The following PCDHA9 variants were observed in gnomAD, a reference collection of about 807,000 sequenced individuals.
PCDHA9 encodes protocadherin alpha 9.
A neutral mutation model predicts 62.0 loss-of-function variants in PCDHA9; 62 were observed. The ratio of observed to expected loss-of-function variants is 1.00; its 90% CI spans 0.81 to 1.23. The LOEUF (loss-of-function observed/expected upper bound fraction) is 1.23. Ranked by LOEUF, PCDHA9 falls within the 50% of genes most tolerant of loss-of-function variation. The pLI is 0.00. For synonymous variants in PCDHA9, 557 were observed against 567.6 expected, an observed-to-expected ratio of 0.98 and a Z score of 0.27; for missense variants, 1,205 against 1,249.8, an observed-to-expected ratio of 0.96 and a Z score of 0.54.
At chr5:140,909,812 A>T (rs1353892202) in intron 1 of PCDHA9, among the ~76,000 whole-genome samples, 1 of 151,982 alleles carries the variant, frequency 6.6e-6, no homozygotes, top group Non-Finnish European at 1.5e-5. Context: ...AAAACTCCAT[A>T]AGCCCCTACT....
rs1554149884 is a variant in PCDHA9, at chr5:140,857,345, C to T, written c.2394+6456C>T. Reference sequence around the variant, plus strand: ...GACCGCGCGGGACGGGGGCTCGCCTCCGCTGTGGGCCACGGCCAGCGTGTC... The same window carrying T: ...GACCGCGCGGGACGGGGGCTCGCCTTCGCTGTGGGCCACGGCCAGCGTGTC... On this transcript the variant is annotated intron_variant, in intron 1 of 3. Coordinates refer to ENST00000532602, the MANE Select transcript of PCDHA9 (RefSeq NM_031857.2). The T allele has an allele frequency of 5.6e-6, 9 of 1,598,348 alleles. No homozygotes were observed. The Admixed American group carries it at 6.7e-5, about 12-fold the overall frequency.
At chr5:140,961,548 T>G (rs2095620507) in intron 1 of PCDHA9, among the ~76,000 whole-genome samples, 2 of 152,230 alleles carry the variant, frequency 1.3e-5, no homozygotes, top group Non-Finnish European at 2.9e-5. Flanking sequence ...CCTGCAGCAT[T>G]TCTTTTTTTA....
At chr5:140,879,757 C>T (rs1312451493) in intron 1 of PCDHA9, among the ~76,000 whole-genome samples, 1 of 152,212 alleles carries the variant, frequency 6.6e-6, no homozygotes, top group African/African-American at 2.4e-5. Context: ...GCTATACTCT[C>T]TTTGGAGGCC....
intron 3 of PCDHA9, among the ~76,000 whole-genome samples, chr5:140,991,007 G>C (rs2153892777): frequency 6.6e-6 from 1 of 152,280 alleles, no homozygotes; most frequent in South Asian, 2.1e-4. Flanking sequence ...ATTGAGAACT[G>C]TGATAAGCAC....
chr5:140,947,270 T>C (rs1230948656), intron 1 of PCDHA9, among the ~76,000 whole-genome samples: 1 of 151,546 alleles, frequency 6.6e-6, no homozygotes, highest in Non-Finnish European at 1.5e-5. Context: ...TTGTTGAAAA[T>C]ACTTTTTCTT....
At chr5:140,963,531 TTTAC>T (rs1391697303) in intron 1 of PCDHA9, among the ~76,000 whole-genome samples, 2 of 152,218 alleles carry the variant, frequency 1.3e-5, no homozygotes, top group African/African-American at 4.8e-5. Flanking sequence ...AGAAGTCCCA[TTTAC>T]TTCATGATAT....
At chr5:140,902,203 C>CTTTTTTTTT (rs148688132) in intron 1 of PCDHA9, among the ~76,000 whole-genome samples, 1 of 124,460 alleles carries the variant, frequency 8.0e-6, no homozygotes. Flanking sequence ...CTCTCTCTTT[C>CTTTTTTTTT]TTTTTTTTTT....
At chr5:140,883,003 C>A in intron 1 of PCDHA9, 5 of 1,614,050 alleles carry the variant, frequency 3.1e-6, no homozygotes, top group Non-Finnish European at 4.2e-6. Flanking sequence ...TTTACCAATC[C>A]GTTTATAAAG....
At chr5:140,894,363 C>T (rs971503382) in intron 1 of PCDHA9, among the ~76,000 whole-genome samples, 1 of 151,968 alleles carries the variant, frequency 6.6e-6, no homozygotes, top group Admixed American at 6.5e-5. Context: ...ATTTCTTCTT[C>T]AATGGCTCCA....
intron 1 of PCDHA9, chr5:140,926,752 C>T (rs1176032200): frequency 8.0e-7 from 1 of 1,254,344 alleles, no homozygotes; most frequent in Admixed American, 3.6e-5. Context: ...CGTCGGCGGT[C>T]GCTGAGTATC....
chr5:140,919,258 A>G (rs2079053720), intron 1 of PCDHA9, among the ~76,000 whole-genome samples: 1 of 152,178 alleles, frequency 6.6e-6, no homozygotes, highest in African/African-American at 2.4e-5. Flanking sequence ...TTTGTCTGAT[A>G]TTAGTGTAGT....
intron 1 of PCDHA9, chr5:140,855,854 T>A: frequency 1.5e-6 from 1 of 683,620 alleles, no homozygotes; most frequent in South Asian, 2.3e-5. Flanking sequence ...AGCCACCGGA[T>A]GTCGCTGTCG....
chr5:140,996,785 C>G (rs1423473534), intron 3 of PCDHA9, among the ~76,000 whole-genome samples: 2 of 152,148 alleles, frequency 1.3e-5, no homozygotes, highest in Admixed American at 6.5e-5. Context: ...TAGTGCCTCA[C>G]TCCCTACATC....
At chr5:140,960,934 A>G (rs1429908471) in intron 1 of PCDHA9, among the ~76,000 whole-genome samples, 3 of 152,236 alleles carry the variant, frequency 2.0e-5, no homozygotes, top group Admixed American at 1.3e-4. Context: ...TACTAAGTTT[A>G]GTGAATTAGA....
At chr5:141,000,385 CTCTCTCTCTCTATA>C (rs1173975015) in intron 3 of PCDHA9, among the ~76,000 whole-genome samples, 30 of 64,968 alleles carry the variant, frequency 4.6e-4, no homozygotes, top group African/African-American at 1.8e-3. Context: ...CTCTCTCTCT[CTCTCTCTCTCTATA>C]TATATATATA....
At chr5:140,967,939 C>T in intron 1 of PCDHA9, 1 of 1,614,188 alleles carries the variant, frequency 6.2e-7, no homozygotes, top group Non-Finnish European at 8.5e-7. Context: ...GTGTCAATGA[C>T]CAAGACTCAG....
chr5:140,893,150 A>G (rs1398784015), intron 1 of PCDHA9, among the ~76,000 whole-genome samples: 1 of 152,066 alleles, frequency 6.6e-6, no homozygotes, highest in Non-Finnish European at 1.5e-5. Context: ...TCATCTGTTG[A>G]TGGATATTGA....
chr5:140,870,016 G>A (rs1554163708), intron 1 of PCDHA9: 1 of 1,613,448 alleles, frequency 6.2e-7, no homozygotes, highest in Non-Finnish European at 8.5e-7. Flanking sequence ...GAGGGTCAAT[G>A]GAACTTTAGA....
At chr5:140,869,126 G>C in intron 1 of PCDHA9, 1 of 1,611,852 alleles carries the variant, frequency 6.2e-7, no homozygotes, top group African/African-American at 1.3e-5. Context: ...CAGAGAAGGG[G>C]ATTGGGCACC....
Sources: allele counts gnomAD v4.1 joint callset (sites outside exome capture counted in the v4.1 genomes callset), GRCh38; gene constraint gnomAD v4.1.1; transcripts MANE v1.5; gene names NCBI Gene and HGNC (gene_info 2026-07-23, HGNC 2026-07-21).